Variants in PPARGC1A observed in about 807,000 individuals in gnomAD.
The protein encoded by PPARGC1A is peroxisome proliferator-activated receptor gamma coactivator 1-alpha.
In PPARGC1A, 25 loss-of-function variants were observed where a neutral mutation model predicts 88.7. The observed-to-expected ratio is 0.28, with a 90% CI of 0.21 to 0.39. The LOEUF (loss-of-function observed/expected upper bound fraction) is 0.39. Ranked by LOEUF, PPARGC1A falls within the 10% of genes least tolerant of loss-of-function variation. The pLI, the probability that PPARGC1A is intolerant of heterozygous loss-of-function variation, is 1.00. For synonymous variants in PPARGC1A, 363 were observed against 355.6 expected, an observed-to-expected ratio of 1.02 and a Z score of -0.24; for missense variants, 880 against 968.7, an observed-to-expected ratio of 0.91 and a Z score of 1.22.
At chr4:23,974,726 G>A in the PPARGC1A span, among the ~76,000 whole-genome samples, 1 of 148,624 alleles carries the variant, frequency 6.7e-6, no homozygotes, top group Non-Finnish European at 1.5e-5. Flanking sequence ...TCCGCCCCCC[G>A]GGTTCACGCC....
At chr4:23,909,685 T>G in the PPARGC1A span, among the ~76,000 whole-genome samples, 2 of 151,722 alleles carry the variant, frequency 1.3e-5, no homozygotes, top group African/African-American at 4.8e-5. Flanking sequence ...CTGTGACACT[T>G]CCTAACTCTT....
chr4:24,304,750 G>A, the PPARGC1A span, among the ~76,000 whole-genome samples: 1 of 152,164 alleles, frequency 6.6e-6, no homozygotes, highest in African/African-American at 2.4e-5. Flanking sequence ...AACAGGAGCA[G>A]ACTGAAACTA....
chr4:24,201,710 A>C, the PPARGC1A span, among the ~76,000 whole-genome samples: 3 of 152,204 alleles, frequency 2.0e-5, no homozygotes, highest in Non-Finnish European at 2.9e-5. Flanking sequence ...AAAATTATGA[A>C]AGTCTCTCTT....
At chr4:24,460,855 T>G in the PPARGC1A span, among the ~76,000 whole-genome samples, 2 of 152,238 alleles carry the variant, frequency 1.3e-5, no homozygotes, top group Non-Finnish European at 2.9e-5. Context: ...TATTGAAGTA[T>G]AATAAATCCA....
At chr4:23,998,605 AG>A in the PPARGC1A span, among the ~76,000 whole-genome samples, 5 of 152,230 alleles carry the variant, frequency 3.3e-5, no homozygotes, top group Non-Finnish European at 4.4e-5. Flanking sequence ...CACTAAACTC[AG>A]CATCTAATTT....
chr4:24,278,167 CAA>C, the PPARGC1A span, among the ~76,000 whole-genome samples: 6 of 150,684 alleles, frequency 4.0e-5, no homozygotes, highest in South Asian at 1.3e-3. Flanking sequence ...ATCCTGTCTC[CAA>C]AAAAAAATAA....
chr4:23,930,737 A>C, the PPARGC1A span, among the ~76,000 whole-genome samples: 1 of 152,204 alleles, frequency 6.6e-6, no homozygotes, highest in Admixed American at 6.5e-5. Context: ...AAACACATGC[A>C]GGAAAGTGAT....
At chr4:24,433,747 A>T in the PPARGC1A span, among the ~76,000 whole-genome samples, 2 of 152,102 alleles carry the variant, frequency 1.3e-5, no homozygotes, top group Non-Finnish European at 2.9e-5. Context: ...TAGGCCCCCT[A>T]TACTTTTTAA....
chr4:23,905,185 T>C (rs903981374), upstream of PPARGC1A, among the ~76,000 whole-genome samples: 1 of 152,230 alleles, frequency 6.6e-6, no homozygotes, highest in Non-Finnish European at 1.5e-5. Context: ...CTTTATGGAA[T>C]GGTCCACAAA....
At chr4:23,849,068 C>A (rs560037916) in intron 2 of PPARGC1A, among the ~76,000 whole-genome samples, 2 of 152,038 alleles carry the variant, frequency 1.3e-5, no homozygotes, top group Admixed American at 6.5e-5. Context: ...GGCATGAACC[C>A]GGGAGGCAGA....
chr4:23,916,147 TAAGTAAATTACATTGCCTGGCAC>T, the PPARGC1A span, among the ~76,000 whole-genome samples: 1 of 152,196 alleles, frequency 6.6e-6, no homozygotes, highest in African/African-American at 2.4e-5. Flanking sequence ...TATAAGGCAA[TAAGTAAATTACATTGCCTGGCAC>T]AAGTAAAACA....
chr4:24,158,098 T>C, the PPARGC1A span, among the ~76,000 whole-genome samples: 1 of 122,344 alleles, frequency 8.2e-6, no homozygotes, highest in Non-Finnish European at 1.6e-5. Flanking sequence ...TCTCCAACCC[T>C]TTTTGTTTTT....
intron 2 of PPARGC1A, among the ~76,000 whole-genome samples, chr4:23,857,495 A>G (rs962608984): frequency 6.6e-6 from 1 of 151,806 alleles, no homozygotes; most frequent in Non-Finnish European, 1.5e-5. Flanking sequence ...GTTTCAATTC[A>G]TGGAATTTCA....
the PPARGC1A span, among the ~76,000 whole-genome samples, chr4:23,956,030 A>G: frequency 3.3e-5 from 5 of 152,140 alleles, no homozygotes; most frequent in African/African-American, 1.2e-4. Flanking sequence ...GCTATCCAAT[A>G]AAACTATTTA....
At chr4:23,908,875 A>G (rs1720393109), upstream of PPARGC1A, among the ~76,000 whole-genome samples, 1 of 152,182 alleles carries the variant, frequency 6.6e-6, no homozygotes, top group Admixed American at 6.5e-5. Flanking sequence ...AATGTGTAGA[A>G]CACAAGATAA....
the PPARGC1A span, among the ~76,000 whole-genome samples, chr4:24,363,287 G>A: frequency 1.3e-5 from 2 of 152,198 alleles, no homozygotes; most frequent in African/African-American, 2.4e-5. Flanking sequence ...TCACTTATAT[G>A]TCGATCTAAC....
chr4:24,348,293 T>C, the PPARGC1A span, among the ~76,000 whole-genome samples: 1 of 152,222 alleles, frequency 6.6e-6, no homozygotes, highest in African/African-American at 2.4e-5. Context: ...TAGGCAAAGA[T>C]CTTTTTGCAA....
At chr4:24,213,612 A>C in the PPARGC1A span, among the ~76,000 whole-genome samples, 13 of 152,220 alleles carry the variant, frequency 8.5e-5, no homozygotes, top group African/African-American at 1.2e-4. Flanking sequence ...GGAAGCTGGA[A>C]AAAAGTCCCT....
the PPARGC1A span, among the ~76,000 whole-genome samples, chr4:24,230,287 T>A: frequency 6.6e-6 from 1 of 152,194 alleles, no homozygotes; most frequent in African/African-American, 2.4e-5. Context: ...AACCTGCCTG[T>A]GAAATGAACA....
Sources: gnomAD v4.1 joint callset for allele counts (sites outside exome capture counted in the v4.1 genomes callset) on GRCh38, gnomAD v4.1.1 for gene constraint, MANE v1.5 for transcripts, NCBI Gene and HGNC (gene_info 2026-07-23, HGNC 2026-07-21) for gene names.